The following KCND3 variants were observed in gnomAD, a reference collection of about 807,000 sequenced individuals.
KCND3 encodes potassium voltage-gated channel subfamily D member 3.
Under a neutral mutation model 51.1 loss-of-function variants are expected in KCND3, and 9 were observed. That is an observed-to-expected ratio of 0.18 (90% confidence interval 0.11 to 0.31). KCND3 has a LOEUF of 0.31. Among genes scored for constraint, KCND3 ranks in the 10% least tolerant of loss-of-function variants. KCND3 has a pLI of 1.00. For missense variants in KCND3, 526 were observed against 903.8 expected (o/e 0.58, Z 5.36); for synonymous variants, 349 against 368.0 (o/e 0.95, Z 0.59).
intron 3 of KCND3, among the ~76,000 whole-genome samples, chr1:111,781,589 G>A (rs900245049): frequency 5.3e-5 from 8 of 152,064 alleles, no homozygotes; most frequent in East Asian, 1.9e-4. Flanking sequence ...GCGTGATCTC[G>A]GCTCACTGCA....
chr1:111,961,955 C>G (rs1381605841), intron 2 of KCND3, among the ~76,000 whole-genome samples: 2 of 152,160 alleles, frequency 1.3e-5, no homozygotes, highest in Non-Finnish European at 2.9e-5. Context: ...CTGAGTTTCT[C>G]TGGCCCGAGT....
At chr1:111,984,943 C>T (rs1173502003) in intron 1 of KCND3, among the ~76,000 whole-genome samples, 84 of 152,196 alleles carry the variant, frequency 5.5e-4, no homozygotes, top group Non-Finnish European at 1.5e-5. Context: ...TTCCCTAGCA[C>T]CTATCACCCC....
intron 2 of KCND3, among the ~76,000 whole-genome samples, chr1:111,878,482 T>C (rs551110177): frequency 2.0e-4 from 30 of 152,226 alleles, no homozygotes; most frequent in Non-Finnish European, 3.7e-4. Flanking sequence ...TGGCCCCTTC[T>C]CCCCACCCCT....
chr1:111,808,764 A>G (rs1386939278), intron 2 of KCND3, among the ~76,000 whole-genome samples: 4 of 152,208 alleles, frequency 2.6e-5, no homozygotes, highest in Non-Finnish European at 4.4e-5. Flanking sequence ...AGGACCAACA[A>G]AATCCCCAGC....
intron 2 of KCND3, among the ~76,000 whole-genome samples, chr1:111,876,935 C>CCACA: frequency 6.6e-6 from 1 of 152,320 alleles, no homozygotes; most frequent in East Asian, 1.9e-4. Flanking sequence ...ATCGTTCTCT[C>CCACA]TCCGGGTAGG....
In KCND3 at chr1:111,878,112, C is replaced by T. The variant is rs145923621; in HGVS notation, c.1107-91006G>A. Among the ~76,000 whole-genome samples, 292 of 152,296 alleles carry T rather than the reference C, an allele frequency of 1.9e-3. 3 individuals are homozygous for T. The highest frequency in any genetic ancestry group is 6.8e-3 in the African/African-American group (283 of 41,552). Reference sequence around the variant, plus strand: ...GGATGATGTGTGCCTGGGACAAAAGCCCCCATCAGAGCCCTAGTGCTGTCT... The same window carrying T: ...GGATGATGTGTGCCTGGGACAAAAGTCCCCATCAGAGCCCTAGTGCTGTCT... On this transcript the variant is annotated intron_variant, in intron 2 of 7. Transcript: ENST00000302127.
At chr1:111,842,026 T>C (rs2488823) in intron 2 of KCND3, among the ~76,000 whole-genome samples, 1 of 152,178 alleles carries the variant, frequency 6.6e-6, no homozygotes, top group Non-Finnish European at 1.5e-5. Context: ...CATTGGGACT[T>C]TGTAGCATAA....
At chr1:111,955,085 A>G (rs376414815) in intron 2 of KCND3, among the ~76,000 whole-genome samples, 2 of 152,144 alleles carry the variant, frequency 1.3e-5, no homozygotes. Flanking sequence ...CTATTTCTCT[A>G]CTTCCTTCAT....
Position 111,921,917 on chromosome 1 carries a change from A to G in KCND3, c.1106+59704T>C, listed in dbSNP as rs1193595952. ...CTGAGCTCCTGGGGAGATAATGTGG[A>G]TGCCTAAATATTAGCTATCCCAGTG... On this transcript the variant is annotated intron_variant, in intron 2 of 7. Coordinates refer to ENST00000302127, the MANE Select transcript of KCND3 (RefSeq NM_001378969.1). Among the ~76,000 whole-genome samples the G allele has an allele frequency of 3.9e-5, 6 of 152,324 alleles. No individual in the cohort carries two copies. The East Asian group carries it at 1.2e-3, about 29-fold the overall frequency.
chr1:111,988,419 T>C lies in KCND3; in HGVS notation c.-73+1086A>G, dbSNP rs1384940832. Among the ~76,000 whole-genome samples, 7 of 152,240 alleles carry C rather than the reference T, an allele frequency of 4.6e-5. No homozygotes were observed. In the East Asian group the frequency reaches 1.4e-3, roughly 29 times the overall value. On this transcript the variant is annotated intron_variant, in intron 1 of 7. Transcript: ENST00000302127. ...CAAAAGGGAACAAGCTACTAACCTC[T>C]TTCTCTGGGGGGTCCCTTGTATACT...
At chr1:111,860,510 A>G (rs139194910) in intron 2 of KCND3, among the ~76,000 whole-genome samples, 145 of 152,270 alleles carry the variant, frequency 9.5e-4, no homozygotes, top group African/African-American at 3.5e-3. Flanking sequence ...AGGAATTTGG[A>G]GCATGGTTAC....
At chr1:111,888,731 G>T (rs184720954) in intron 2 of KCND3, among the ~76,000 whole-genome samples, 1 of 148,932 alleles carries the variant, frequency 6.7e-6, no homozygotes, top group Non-Finnish European at 1.5e-5. Flanking sequence ...GTGACATGAA[G>T]ACCCAGGTAC....
chr1:111,777,367 G>C, intron 6 of KCND3, 94 bp from the exon 7 acceptor site: 3 of 1,390,022 alleles, frequency 2.2e-6, no homozygotes, highest in Non-Finnish European at 3.0e-6. Context: ...CTCTGTTCTG[G>C]ACCTTGAAGG....
intron 1 of KCND3, among the ~76,000 whole-genome samples, chr1:111,985,282 G>A (rs1018221160): frequency 6.6e-6 from 1 of 152,320 alleles, no homozygotes; most frequent in Admixed American, 6.5e-5. Flanking sequence ...ACCCTGAGGG[G>A]TAGACACCAC....
intron 2 of KCND3, among the ~76,000 whole-genome samples, chr1:111,927,037 T>A (rs1671734738): frequency 6.6e-6 from 1 of 152,258 alleles, no homozygotes; most frequent in African/African-American, 2.4e-5. Flanking sequence ...AAGTGCTTTA[T>A]GTCTATTTTT....
chr1:111,781,640 C>G (rs1286690759), intron 3 of KCND3, among the ~76,000 whole-genome samples: 1 of 152,182 alleles, frequency 6.6e-6, no homozygotes, highest in Non-Finnish European at 1.5e-5. Context: ...CTGCCTCAGC[C>G]TCCTGAGTAG....
intron 2 of KCND3, among the ~76,000 whole-genome samples, chr1:111,796,304 A>G (rs1665052358): frequency 6.6e-6 from 1 of 152,114 alleles, no homozygotes; most frequent in Non-Finnish European, 1.5e-5. Context: ...TGTCTTCCAT[A>G]TCATAAAGAC....
At chr1:111,779,364 G>A (rs1228457242) in intron 5 of KCND3, among the ~76,000 whole-genome samples, 3 of 152,172 alleles carry the variant, frequency 2.0e-5, no homozygotes, top group Admixed American at 6.5e-5. Context: ...CTACATCTGG[G>A]AGGCCAGGAT....
chr1:111,932,185 T>C (rs1296331272), intron 2 of KCND3, among the ~76,000 whole-genome samples: 8 of 152,186 alleles, frequency 5.3e-5, no homozygotes, highest in African/African-American at 1.7e-4. Context: ...AACTCTCCCT[T>C]TCTTAAGGTC....
Sources: gnomAD v4.1 joint callset for allele counts (sites outside exome capture counted in the v4.1 genomes callset) on GRCh38, gnomAD v4.1.1 for gene constraint, MANE v1.5 for transcripts, NCBI Gene and HGNC (gene_info 2026-07-23, HGNC 2026-07-21) for gene names.